The following RIT2 variants were observed in gnomAD, a reference collection of about 807,000 sequenced individuals.
The protein encoded by RIT2 is GTP-binding protein Rit2.
A neutral mutation model predicts 23.7 loss-of-function variants in RIT2; 24 were observed. The ratio of observed to expected loss-of-function variants is 1.01; its 90% CI spans 0.73 to 1.43. The LOEUF is 1.43. Among genes scored for constraint, RIT2 ranks in the 40% most tolerant of loss-of-function variants. The probability of loss-of-function intolerance (pLI) is 0.00; values close to 1 mark genes in which losing one functional copy is unlikely to be tolerated. For missense variants in RIT2, 236 were observed against 266.9 expected, an observed-to-expected ratio of 0.88 and a Z score of 0.81; for synonymous variants, 107 against 91.1, an observed-to-expected ratio of 1.17 and a Z score of -0.99.
intron 3 of RIT2, among the ~76,000 whole-genome samples, chr18:42,961,155 A>G (rs183293999): frequency 1.3e-4 from 20 of 152,316 alleles, no homozygotes; most frequent in African/African-American, 4.8e-4. Flanking sequence ...GAAAATAATA[A>G]ATGTTATAGT....
intron 4 of RIT2, among the ~76,000 whole-genome samples, chr18:42,753,145 C>A (rs1913085956): frequency 6.6e-6 from 1 of 152,146 alleles, no homozygotes; most frequent in Non-Finnish European, 1.5e-5. Flanking sequence ...CTGTTCTAGT[C>A]CAGCCCAGCT....
At chr18:42,979,207 A>AT (rs888186744) in intron 2 of RIT2, among the ~76,000 whole-genome samples, 3 of 152,024 alleles carry the variant, frequency 2.0e-5, no homozygotes, top group Non-Finnish European at 2.9e-5. Context: ...CAGCTAATGT[A>AT]TTTTTTTCAG....
At chr18:43,091,020 C>T (rs778119307) in intron 1 of RIT2, among the ~76,000 whole-genome samples, 8 of 151,836 alleles carry the variant, frequency 5.3e-5, no homozygotes, top group African/African-American at 9.7e-5. Flanking sequence ...CAAACCTGCA[C>T]ATCCCTGAAC....
intron 3 of RIT2, among the ~76,000 whole-genome samples, chr18:42,936,869 G>A (rs111418875): frequency 0.022 from 3,320 of 152,036 alleles, 68 homozygotes; most frequent in African/African-American, 0.056. Flanking sequence ...AAAAGTAGCC[G>A]GGCTTTGTGG....
chr18:43,090,622 T>C (rs1372610838), intron 1 of RIT2, among the ~76,000 whole-genome samples: 1 of 151,988 alleles, frequency 6.6e-6, no homozygotes, highest in East Asian at 1.9e-4. Context: ...AATCTAAATG[T>C]CCAATAACGG....
At chr18:42,930,078 A>G in intron 3 of RIT2, among the ~76,000 whole-genome samples, 1 of 152,122 alleles carries the variant, frequency 6.6e-6, no homozygotes, top group East Asian at 1.9e-4. Context: ...GACTCATATA[A>G]AGAGGTGGTA....
intron 4 of RIT2, among the ~76,000 whole-genome samples, chr18:42,826,966 C>T (rs1006864037): frequency 6.6e-6 from 1 of 151,920 alleles, no homozygotes; most frequent in African/African-American, 2.4e-5. Flanking sequence ...GAAAATAAAT[C>T]CAGGTTATGG....
chr18:43,055,585 C>T (rs952366748), intron 1 of RIT2, among the ~76,000 whole-genome samples: 2 of 152,100 alleles, frequency 1.3e-5, no homozygotes, highest in African/African-American at 4.8e-5. Flanking sequence ...GTTCATACTA[C>T]ATTTTTTGTA....
chr18:42,976,060 A>T (rs1910471165), intron 2 of RIT2, among the ~76,000 whole-genome samples: 1 of 152,020 alleles, frequency 6.6e-6, no homozygotes, highest in Non-Finnish European at 1.5e-5. Flanking sequence ...TTGGTTGTTT[A>T]ATTTCCACAT....
chr18:42,809,920 GTA>G (rs1258810245), intron 4 of RIT2, among the ~76,000 whole-genome samples: 249 of 130,018 alleles, frequency 1.9e-3, no homozygotes, highest in African/African-American at 7.6e-3. Context: ...TATATAATTT[GTA>G]TATATGTTAT....
intron 3 of RIT2, among the ~76,000 whole-genome samples, chr18:42,932,237 A>C (rs1194947208): frequency 2.6e-5 from 4 of 152,156 alleles, no homozygotes; most frequent in Non-Finnish European, 1.5e-5. Context: ...ACCATCATTA[A>C]GTGCTGGATA....
At chr18:43,007,491 A>C (rs1433306877) in intron 2 of RIT2, among the ~76,000 whole-genome samples, 1 of 151,670 alleles carries the variant, frequency 6.6e-6, no homozygotes, top group Non-Finnish European at 1.5e-5. Context: ...GACAAACCAG[A>C]GGTTTTTGAG....
At chr18:42,749,205 G>A (rs1488714817) in intron 4 of RIT2, among the ~76,000 whole-genome samples, 1 of 151,798 alleles carries the variant, frequency 6.6e-6, no homozygotes, top group Non-Finnish European at 1.5e-5. Context: ...TTGAGAAAAA[G>A]TATGTATTTA....
intron 4 of RIT2, among the ~76,000 whole-genome samples, chr18:42,822,623 T>G (rs72905019): frequency 6.6e-6 from 1 of 152,264 alleles, no homozygotes; most frequent in Non-Finnish European, 1.5e-5. Flanking sequence ...CCTCCAGCTC[T>G]GCTCTAATTA....
intron 4 of RIT2, among the ~76,000 whole-genome samples, chr18:42,752,140 T>C (rs1007329875): frequency 3.9e-5 from 6 of 152,066 alleles, no homozygotes; most frequent in Non-Finnish European, 7.4e-5. Context: ...CATTTGAAGG[T>C]CATATTGCAA....
At chr18:42,908,160 T>G (rs556067445) in intron 4 of RIT2, among the ~76,000 whole-genome samples, 2 of 149,672 alleles carry the variant, frequency 1.3e-5, no homozygotes, top group South Asian at 4.2e-4. Flanking sequence ...AAAATTTCAC[T>G]GGATGTTCTT....
At chr18:42,892,058 C>T (rs536200329) in intron 4 of RIT2, among the ~76,000 whole-genome samples, 1 of 152,062 alleles carries the variant, frequency 6.6e-6, no homozygotes, top group South Asian at 2.1e-4. Context: ...AAAAAAAACA[C>T]ACTCTAAAAA....
chr18:42,923,353 T>C (rs1368467962), intron 4 of RIT2: 2 of 531,604 alleles, frequency 3.8e-6, no homozygotes, highest in Non-Finnish European at 6.7e-6. Flanking sequence ...TCCTAGGGGA[T>C]AGGGCACTAG....
At chr18:43,080,140 G>A (rs1337217881) in intron 1 of RIT2, among the ~76,000 whole-genome samples, 1 of 152,066 alleles carries the variant, frequency 6.6e-6, no homozygotes, top group Non-Finnish European at 1.5e-5. Flanking sequence ...TAGACTTTCA[G>A]GCCACCAATC....
Sources: gnomAD v4.1 joint callset for allele counts (sites outside exome capture counted in the v4.1 genomes callset) on GRCh38, gnomAD v4.1.1 for gene constraint, MANE v1.5 for transcripts, NCBI Gene and HGNC (gene_info 2026-07-23, HGNC 2026-07-21) for gene names.